The following HMCN2 variants were observed in gnomAD, a reference collection of about 807,000 sequenced individuals.
HMCN2 encodes the protein hemicentin-2.
Under a neutral mutation model 377.5 loss-of-function variants are expected in HMCN2, and 325 were observed. The ratio of observed to expected loss-of-function variants is 0.86; its 90% CI spans 0.79 to 0.94. The LOEUF (loss-of-function observed/expected upper bound fraction) is 0.94, where lower values mean the gene tolerates loss of function less well. Ranked by LOEUF, HMCN2 falls within the 40% of genes least tolerant of loss-of-function variation. HMCN2 has a pLI of 0.00. For synonymous variants in HMCN2, 2,007 were observed against 2,046.8 expected (o/e 0.98, Z 0.53); for missense variants, 4,543 against 4,725.3 (o/e 0.96, Z 1.13).
intron 1 of HMCN2, among the ~76,000 whole-genome samples, chr9:130,284,347 G>A (rs549194975): frequency 5.9e-5 from 9 of 152,128 alleles, no homozygotes; most frequent in South Asian, 2.1e-4. Flanking sequence ...GGAGGAGCTG[G>A]GGCTTGCCCT....
chr9:130,402,293 C>T (rs1239599142), intron 77 of HMCN2, among the ~76,000 whole-genome samples: 1 of 152,210 alleles, frequency 6.6e-6, no homozygotes, highest in East Asian at 1.9e-4. Context: ...ACTTGACTGC[C>T]AAGGTGCAGC....
intron 22 of HMCN2, among the ~76,000 whole-genome samples, chr9:130,337,207 G>A (rs1408836908): frequency 5.3e-5 from 8 of 152,302 alleles, no homozygotes; most frequent in African/African-American, 1.7e-4. Flanking sequence ...GGGGGTCCTC[G>A]ATCCCTGTGG....
rs1842306790 is a variant in HMCN2, at chr9:130,391,258, G to A, written c.9722G>A (p.Gly3241Glu). The change falls in exon 64 of 98, where the codon GGG (glycine) becomes GAG (glutamate). Residue 3241 changes from glycine to glutamate, a missense_variant. This residue lies in a region of HMCN2 where 736 missense variants were observed against 773.2 expected (regional missense o/e 0.95). Transcript: ENST00000683500. ...GCGCGGGAGCACCATGTCTTGGAAG[G>A]GCAGGAGGTGCGGCTGGACTGTGAG... ...GVAREHHVLE[G>E]QEVRLDCEAD... The A allele has an allele frequency of 4.0e-6, 4 of 987,672 alleles. No individual in the cohort carries two copies. Among genetic ancestry groups the A allele is most frequent in the Non-Finnish European group, 4.8e-6 (4 of 830,184 alleles). The allele number at this position is 987,672 out of a possible 1,614,324, so 61.2% of individuals were successfully genotyped here.
intron 22 of HMCN2, among the ~76,000 whole-genome samples, chr9:130,329,252 G>A (rs964462285): frequency 2.6e-5 from 4 of 152,126 alleles, no homozygotes; most frequent in Admixed American, 1.3e-4. Flanking sequence ...GGGGCCTTTC[G>A]TGTCTGGCTT....
intron 43 of HMCN2, among the ~76,000 whole-genome samples, chr9:130,367,834 C>T (rs1312434886): frequency 2.7e-5 from 4 of 148,674 alleles, no homozygotes; most frequent in East Asian, 2.0e-4. Flanking sequence ...CCCAGCTACT[C>T]GGGATGCTGA....
intron 14 of HMCN2, among the ~76,000 whole-genome samples, chr9:130,309,639 C>T (rs6478961): frequency 0.18 from 27,282 of 150,886 alleles, 3,062 homozygotes; most frequent in East Asian, 0.5. Context: ...TGGACACCAG[C>T]GGGGGGGGTC....
chr9:130,270,136 T>C (rs1296989274), intron 1 of HMCN2, among the ~76,000 whole-genome samples: 1 of 147,742 alleles, frequency 6.8e-6, no homozygotes, highest in African/African-American at 2.4e-5. Context: ...TTTTTTTAAG[T>C]GTACTTAGTA....
chr9:130,403,800 G>T lies in HMCN2; in HGVS notation c.12073G>T (p.Asp4025Tyr). ...GCGGATTGCCCATGCCAGCCCAGAG[G>T]ATGCTGGAAACTATCTCTGCATCGC... ...QLRIAHASPEDAGNYLCIAKN... is the reference protein window; with the variant it reads ...QLRIAHASPEYAGNYLCIAKN... The change falls in exon 80 of 98, where the codon GAT becomes TAT. Residue 4025 changes from aspartate to tyrosine, a missense_variant. Transcript: ENST00000683500. The T allele has an allele frequency of 7.8e-7, 1 of 1,289,828 alleles. No homozygotes were observed. 79.9% of individuals were successfully genotyped at this position (1,289,828 alleles called of 1,614,324 possible).
chr9:130,384,284 G>A, intron 57 of HMCN2, 89 bp from the exon 58 acceptor site: 2 of 1,098,524 alleles, frequency 1.8e-6, no homozygotes, highest in Non-Finnish European at 2.4e-6. Context: ...CCCAGGAGCT[G>A]GGTGAGGCTC....
chr9:130,294,686 G>A (rs1554931263), intron 4 of HMCN2, among the ~76,000 whole-genome samples, 169 bp from the exon 5 acceptor site: 1 of 152,202 alleles, frequency 6.6e-6, no homozygotes, highest in Non-Finnish European at 1.5e-5. Flanking sequence ...ACAGCTTGGA[G>A]CCTATGGAAG....
intron 19 of HMCN2, among the ~76,000 whole-genome samples, chr9:130,322,447 C>T (rs1837909613): frequency 6.6e-6 from 1 of 152,156 alleles, no homozygotes; most frequent in African/African-American, 2.4e-5. Context: ...CACATGCTGT[C>T]ATTGTCTTGG....
Position 130,394,475 on chromosome 9 carries a change from C to T in HMCN2, c.10592C>T (p.Thr3531Ile). 2.3e-6 allele frequency: 3 copies of T among 1,289,318 alleles called. No homozygotes were observed. Among genetic ancestry groups the T allele is most frequent in the Non-Finnish European group, 2.0e-6 (2 of 988,462 alleles). The allele number at this position is 1,289,318 out of a possible 1,614,324, so 79.9% of individuals were successfully genotyped here. Residue 3531 changes from threonine (T) to isoleucine (I), a missense_variant, in exon 69 of 98, where the codon ACC (threonine) becomes ATC (isoleucine). By Grantham distance (89) the Thr-to-Ile change is moderately conservative. Transcript: ENST00000683500. The surrounding 1 kb of genome is among the most constrained non-coding windows in gnomAD (Gnocchi z 5.1). Reference sequence around the variant, plus strand: ...GAGCTCCTCTGTGATGCCCAGGGCACCCCCCAGCCCAACATCACCTGGCAT... The same window carrying T: ...GAGCTCCTCTGTGATGCCCAGGGCATCCCCCAGCCCAACATCACCTGGCAT... ...PMELLCDAQG[T>I]PQPNITWHKD...
Position 130,390,090 on chromosome 9 carries a change from T to C in HMCN2, c.9524-887T>C, listed in dbSNP as rs933863219. On this transcript the variant is annotated intron_variant, in intron 62 of 97. Transcript: ENST00000683500. ...GTGTCATCGCCTCTCGCGGGTCAGG[T>C]GGCTGCAGGCCCCACCTCCCTTTGC... is the stretch of plus-strand genomic sequence containing the variant. Among the ~76,000 whole-genome samples the C allele has an allele frequency of 1.3e-5, 2 of 152,314 alleles. 1 individual carries two copies.
chr9:130,367,132 A>G (rs930666982), intron 43 of HMCN2, among the ~76,000 whole-genome samples: 1 of 152,132 alleles, frequency 6.6e-6, no homozygotes, highest in Non-Finnish European at 1.5e-5. Flanking sequence ...GGAGGCAGGG[A>G]ATCAGGGATG....
chr9:130,418,762 C>A lies in HMCN2; in HGVS notation c.12962-10C>A. 7.2e-7 allele frequency: 1 copy of A among 1,394,244 alleles called. No homozygotes were observed. The highest frequency in any genetic ancestry group is 9.4e-7 in the Non-Finnish European group (1 of 1,065,130). The allele number at this position is 1,394,244 out of a possible 1,614,324, so 86.4% of individuals were successfully genotyped here. ...TAAATGTTCCTAAAAGCCACCTGGGCCTCCCACAGGTGCTCCGGTGTTCCA... is the reference window on the plus strand; with the variant it reads ...TAAATGTTCCTAAAAGCCACCTGGGACTCCCACAGGTGCTCCGGTGTTCCA... On this transcript the variant is annotated splice_polypyrimidine_tract_variant and intron_variant, in intron 85 of 97. Coordinates refer to ENST00000683500, the MANE Select transcript of HMCN2 (RefSeq NM_001291815.2).
intron 1 of HMCN2, among the ~76,000 whole-genome samples, chr9:130,275,297 G>A (rs1018602320): frequency 6.6e-6 from 1 of 152,154 alleles, no homozygotes; most frequent in South Asian, 2.1e-4. Flanking sequence ...GGCTTTCGCC[G>A]GTCAGAGGTG....
At chr9:130,311,426 A>G (rs1050106246) in intron 15 of HMCN2, among the ~76,000 whole-genome samples, 2 of 152,110 alleles carry the variant, frequency 1.3e-5, no homozygotes, top group Admixed American at 1.3e-4. Context: ...CCTTCAACAC[A>G]GGGTCACCAG....
intron 76 of HMCN2, among the ~76,000 whole-genome samples, chr9:130,399,863 T>C (rs1842782057): frequency 6.6e-6 from 1 of 152,092 alleles, no homozygotes; most frequent in Admixed American, 6.5e-5. Flanking sequence ...AAATCCAGAA[T>C]GTTCTAAACT....
In HMCN2 at chr9:130,385,846, G is replaced by A. The variant is rs1052548841; in HGVS notation, c.9309+84G>A. The A allele has an allele frequency of 1.0e-4, 100 of 996,264 alleles. No homozygotes were observed. The African/African-American group carries it at 1.6e-3, about 16-fold the overall frequency. 61.7% of individuals were successfully genotyped at this position (996,264 alleles called of 1,614,324 possible). A position where few individuals can be genotyped will look rare whatever the true frequency, so the allele number is the denominator to read the frequency against. ...CCTGGCGAGCTGCGGGGAGGAAGGT[G>A]GGCAGGATGTGAGTTGCTGCCTCCT... On this transcript the variant is annotated intron_variant, in intron 60 of 97. Transcript: ENST00000683500.
Sources: gnomAD v4.1 joint callset for allele counts (sites outside exome capture counted in the v4.1 genomes callset) on GRCh38, gnomAD v4.1.1 for gene constraint, gnomAD v4.1.1 regional missense constraint, Gnocchi (gnomAD v3.1) non-coding constraint, MANE v1.5 for transcripts, NCBI Gene and HGNC (gene_info 2026-07-23, HGNC 2026-07-21) for gene names.